Variants in SSH2 observed in about 807,000 individuals in gnomAD.
SSH2 encodes protein phosphatase Slingshot homolog 2.
SSH2 carries 37 observed loss-of-function variants against 135.2 expected under a neutral mutation model. The observed-to-expected ratio is 0.27, with a 90% confidence interval of 0.21 to 0.36. The LOEUF is 0.36. SSH2 is among the 10% of genes least tolerant of loss of function. The pLI is 1.00. For missense variants in SSH2, 1,408 were observed against 1,765.3 expected (o/e 0.80, Z 3.63); for synonymous variants, 628 against 646.2 (o/e 0.97, Z 0.43).
At chr17:29,709,015 T>TGTATATATATATATATATAGAG (rs2039330944) in intron 3 of SSH2, among the ~76,000 whole-genome samples, 1 of 81,588 alleles carries the variant, frequency 1.2e-5, no homozygotes, top group African/African-American at 4.1e-5. Context: ...TATATATATA[T>TGTATATATATATATATATAGAG]AGAGAGAGAG....
At chr17:29,841,434 C>G (rs2043039578) in intron 2 of SSH2, among the ~76,000 whole-genome samples, 1 of 152,114 alleles carries the variant, frequency 6.6e-6, no homozygotes, top group South Asian at 2.1e-4. Context: ...ACATGGAAAA[C>G]TTTACCCTTC....
intron 11 of SSH2, among the ~76,000 whole-genome samples, chr17:29,656,736 T>C (rs577677424): frequency 6.6e-6 from 1 of 152,188 alleles, no homozygotes; most frequent in Non-Finnish European, 1.5e-5. Flanking sequence ...ATCATACTTT[T>C]TCCCCCTGAA....
chr17:29,796,808 CTTT>C (rs200405675), intron 2 of SSH2, among the ~76,000 whole-genome samples: 12 of 142,890 alleles, frequency 8.4e-5, no homozygotes, highest in Non-Finnish European at 1.4e-4. Context: ...TTTTTCCTTT[CTTT>C]TTTTTTTTTT....
intron 3 of SSH2, among the ~76,000 whole-genome samples, chr17:29,709,015 T>TATATATATATATATAGAGAG (rs780981175): frequency 4.9e-5 from 4 of 81,590 alleles, no homozygotes; most frequent in Non-Finnish European, 9.8e-5. Context: ...TATATATATA[T>TATATATATATATATAGAGAG]AGAGAGAGAG....
chr17:29,897,662 T>C (rs1051101825), intron 1 of SSH2, among the ~76,000 whole-genome samples: 30 of 151,868 alleles, frequency 2.0e-4, no homozygotes, highest in Non-Finnish European at 2.9e-5. Flanking sequence ...GACTTAGACT[T>C]CCACACAATA....
intron 3 of SSH2, among the ~76,000 whole-genome samples, chr17:29,764,715 A>G (rs2041404525): frequency 6.6e-6 from 1 of 152,232 alleles, no homozygotes; most frequent in African/African-American, 2.4e-5. Context: ...TGAATATTCT[A>G]AAATGTTGGC....
In SSH2 at chr17:29,631,046, T is replaced by C. The variant is rs1049278871; in HGVS notation, c.4148A>G (p.Tyr1383Cys). 1.2e-6 allele frequency: 2 copies of C among 1,614,082 alleles called. No individual in the cohort carries two copies. Among genetic ancestry groups the C allele is most frequent in the African/African-American group, 2.7e-5 (2 of 74,916 alleles). Reference sequence around the variant, plus strand: ...TTCAAGTCCTGCCCTGGGGAGCAAATACTGCTGACTAGAACCAAATTCTTT... The same window carrying C: ...TTCAAGTCCTGCCCTGGGGAGCAAACACTGCTGACTAGAACCAAATTCTTT... ...YAKEFGSSQQ[Y>C]LLPRAGLELT... is the part of the protein sequence containing the mutation. Residue 1383 changes from tyrosine to cysteine, a missense_variant, in exon 16 of 16, where the codon TAT becomes TGT. By Grantham distance (194) the Tyr-to-Cys change is radical. Coordinates refer to ENST00000540801, the MANE Select transcript of SSH2 (RefSeq NM_001282129.2).
intron 3 of SSH2, among the ~76,000 whole-genome samples, chr17:29,792,221 T>C (rs1206636385): frequency 6.6e-6 from 1 of 152,058 alleles, no homozygotes; most frequent in Non-Finnish European, 1.5e-5. Context: ...TCTTAATGGC[T>C]TGACAATTCA....
intron 1 of SSH2, among the ~76,000 whole-genome samples, chr17:29,875,419 T>G (rs572289877): frequency 1.3e-5 from 2 of 152,276 alleles, no homozygotes; most frequent in African/African-American, 4.8e-5. Flanking sequence ...CATCTCCTCT[T>G]GAGTATCACC....
chr17:29,834,931 A>T (rs1043895290), intron 2 of SSH2, among the ~76,000 whole-genome samples: 60 of 152,338 alleles, frequency 3.9e-4, no homozygotes, highest in African/African-American at 1.3e-3. Flanking sequence ...ATTTTAGTAC[A>T]TATCCTTTTT....
chr17:29,924,711 G>A (rs1003311707), intron 1 of SSH2, among the ~76,000 whole-genome samples: 3 of 151,934 alleles, frequency 2.0e-5, no homozygotes, highest in Admixed American at 6.6e-5. Flanking sequence ...CCTGCCTTTA[G>A]CAGCACCTGT....
chr17:29,807,338 T>G (rs900405635), intron 2 of SSH2, among the ~76,000 whole-genome samples: 3 of 152,232 alleles, frequency 2.0e-5, no homozygotes, highest in Non-Finnish European at 4.4e-5. Context: ...GAATTGTTAC[T>G]ACGTTAATAT....
intron 2 of SSH2, among the ~76,000 whole-genome samples, chr17:29,822,047 A>G (rs940052897): frequency 3.3e-5 from 5 of 152,246 alleles, no homozygotes; most frequent in African/African-American, 1.2e-4. Flanking sequence ...GTAGCTAAGT[A>G]AGGGCAAAGG....
At chr17:29,857,614 C>G (rs1280320398) in intron 1 of SSH2, among the ~76,000 whole-genome samples, 1 of 152,082 alleles carries the variant, frequency 6.6e-6, no homozygotes, top group Non-Finnish European at 1.5e-5. Context: ...CTCAGCCTCC[C>G]TAGTTGCTGG....
At position 29,625,947 on chromosome 17, in the gene SSH2, C is replaced by T. The variant is rs2035486338; in HGVS notation, c.*4894G>A. On this transcript the variant is annotated 3_prime_UTR_variant, in exon 16 of 16. Transcript: ENST00000540801. ...TCTGATGAAGTACACGTTTCATCTT[C>T]AAAATAAAAATTTATTCAATCTGTA... 1 of 152,514 alleles carries T rather than the reference C, an allele frequency of 6.6e-6. No homozygotes were observed. Among genetic ancestry groups the T allele is most frequent in the African/African-American group, 2.4e-5 (1 of 41,400 alleles). The allele number at this position is 152,514 out of a possible 1,614,324, so 9.4% of individuals were successfully genotyped here.
At chr17:29,642,928 TG>T (rs2036224771) in intron 14 of SSH2, among the ~76,000 whole-genome samples, 1 of 152,232 alleles carries the variant, frequency 6.6e-6, no homozygotes, top group Non-Finnish European at 1.5e-5. Flanking sequence ...AGGGCCACCC[TG>T]GATAACCATG....
At chr17:29,768,962 C>T (rs2041509433) in intron 3 of SSH2, among the ~76,000 whole-genome samples, 3 of 152,076 alleles carry the variant, frequency 2.0e-5, no homozygotes, top group African/African-American at 4.8e-5. Flanking sequence ...CACCTGTAAT[C>T]CTAGCACTTT....
intron 1 of SSH2, among the ~76,000 whole-genome samples, chr17:29,869,534 A>G (rs2065906216): frequency 6.6e-6 from 1 of 152,192 alleles, no homozygotes; most frequent in Admixed American, 6.5e-5. Context: ...CAGGACAAGA[A>G]TTTAGCCCTA....
intron 1 of SSH2, among the ~76,000 whole-genome samples, chr17:29,903,669 G>C (rs1259071849): frequency 1.3e-5 from 2 of 152,078 alleles, no homozygotes; most frequent in East Asian, 1.9e-4. Flanking sequence ...CTGAAAGCAG[G>C]AACTGATTAT....
Sources: allele counts gnomAD v4.1 joint callset (sites outside exome capture counted in the v4.1 genomes callset), GRCh38; gene constraint gnomAD v4.1.1; transcripts MANE v1.5; gene names NCBI Gene and HGNC (gene_info 2026-07-23, HGNC 2026-07-21).